The following TMEM135 variants were observed in gnomAD, a reference collection of about 807,000 sequenced individuals.
TMEM135 encodes the protein peroxisomal membrane protein 52.
Under a neutral mutation model 60.3 loss-of-function variants are expected in TMEM135, and 30 were observed. The ratio of observed to expected loss-of-function variants is 0.50; its 90% CI spans 0.37 to 0.68. The LOEUF is 0.68. Ranked by LOEUF, TMEM135 falls within the 30% of genes least tolerant of loss-of-function variation. The pLI, the probability that TMEM135 is intolerant of heterozygous loss-of-function variation, is 0.00. For synonymous variants in TMEM135, 190 were observed against 186.7 expected (o/e 1.02, Z -0.14); for missense variants, 468 against 548.8 (o/e 0.85, Z 1.47).
rs184491419 is a variant in TMEM135 at position 87,328,675 on chromosome 11, C to A, written c.*7342C>A. On this transcript the variant is annotated 3_prime_UTR_variant, in exon 15 of 15. Coordinates refer to ENST00000305494, the MANE Select transcript of TMEM135 (RefSeq NM_022918.4). Reference sequence around the variant, plus strand: ...CAAGATGCTGCAAAAGACATTATTTCATCTTTTATTTTTTATGGCTGAGTA... The same window carrying A: ...CAAGATGCTGCAAAAGACATTATTTAATCTTTTATTTTTTATGGCTGAGTA... The A allele has an allele frequency of 5.9e-4, 267 of 453,992 alleles. No individual in the cohort carries two copies. Among genetic ancestry groups the A allele is most frequent in the Non-Finnish European group, 1.0e-3 (238 of 226,766 alleles). 28.1% of individuals were successfully genotyped at this position (453,992 alleles called of 1,614,324 possible).
intron 6 of TMEM135, among the ~76,000 whole-genome samples, chr11:87,280,538 C>G (rs969050467): frequency 2.6e-5 from 4 of 152,096 alleles, no homozygotes; most frequent in Admixed American, 1.3e-4. Flanking sequence ...CTTTCTTCCT[C>G]TACTTCTTTT....
intron 6 of TMEM135, among the ~76,000 whole-genome samples, chr11:87,239,451 CTT>C (rs10573169): frequency 0.047 from 7,131 of 152,088 alleles, 228 homozygotes; most frequent in East Asian, 0.16. Context: ...GTACATAACA[CTT>C]GGCAGGTCCA....
chr11:87,215,909 G>A (rs1940490429), intron 5 of TMEM135, among the ~76,000 whole-genome samples: 1 of 151,948 alleles, frequency 6.6e-6, no homozygotes, highest in South Asian at 2.1e-4. Context: ...CTATCTAATA[G>A]CCTCCTCTTA....
chr11:87,291,549 T>G (rs1591173866), intron 6 of TMEM135, among the ~76,000 whole-genome samples: 1 of 74,716 alleles, frequency 1.3e-5, no homozygotes, highest in African/African-American at 4.3e-5. Context: ...TTTTTTTTTT[T>G]GAGACAGAGT....
At chr11:87,222,267 C>A (rs1246340596) in intron 5 of TMEM135, among the ~76,000 whole-genome samples, 2 of 149,502 alleles carry the variant, frequency 1.3e-5, no homozygotes, top group African/African-American at 4.9e-5. Context: ...GTGGCTGAGG[C>A]AGGCAGATCA....
intron 5 of TMEM135, among the ~76,000 whole-genome samples, chr11:87,220,946 C>T (rs183544271): frequency 9.2e-5 from 14 of 152,036 alleles, no homozygotes; most frequent in East Asian, 7.7e-4. Context: ...AAAATTAATG[C>T]GGATGTATTC....
At chr11:87,272,595 G>A (rs1486713525) in intron 6 of TMEM135, among the ~76,000 whole-genome samples, 4 of 151,986 alleles carry the variant, frequency 2.6e-5, no homozygotes, top group Admixed American at 1.3e-4. Context: ...TGAGTAGCTG[G>A]GACTATAGGT....
intron 4 of TMEM135, among the ~76,000 whole-genome samples, chr11:87,144,077 TA>T (rs2135249213): frequency 6.6e-6 from 1 of 152,232 alleles, no homozygotes; most frequent in African/African-American, 2.4e-5. Flanking sequence ...AAATTTCTTT[TA>T]AAATTTCAAA....
chr11:87,301,399 G>A lies in TMEM135; in HGVS notation c.552-897G>A, dbSNP rs538414584. On this transcript the variant is annotated intron_variant, in intron 7 of 14. Transcript: ENST00000305494. Reference sequence around the variant, plus strand: ...CTCCCAAGTAGCTGGGACTACAGGCGTACACCACCATGCCCAGCTGATTTT... The same window carrying A: ...CTCCCAAGTAGCTGGGACTACAGGCATACACCACCATGCCCAGCTGATTTT... Among the ~76,000 whole-genome samples the A allele has an allele frequency of 2.0e-4, 30 of 152,100 alleles. No homozygotes were observed. In the South Asian group the frequency reaches 2.7e-3, roughly 14 times the overall value.
intron 6 of TMEM135, chr11:87,259,208 G>A (rs575227632): frequency 3.0e-5 from 15 of 500,210 alleles, no homozygotes; most frequent in South Asian, 5.9e-5. Flanking sequence ...TCTCCACGTC[G>A]CCTTTTGGGA....
At chr11:87,169,795 C>T (rs539487300) in intron 5 of TMEM135, among the ~76,000 whole-genome samples, 12 of 152,172 alleles carry the variant, frequency 7.9e-5, no homozygotes, top group South Asian at 2.1e-4. Context: ...TTGCTCTTCT[C>T]GAGGAGTATC....
chr11:87,056,646 T>G (rs1949897053), intron 1 of TMEM135, among the ~76,000 whole-genome samples: 1 of 152,222 alleles, frequency 6.6e-6, no homozygotes, highest in African/African-American at 2.4e-5. Context: ...TAGTGGAATT[T>G]ATGTATCAAC....
chr11:87,107,063 C>T (rs140747169), intron 4 of TMEM135, among the ~76,000 whole-genome samples: 1 of 152,172 alleles, frequency 6.6e-6, no homozygotes, highest in African/African-American at 2.4e-5. Flanking sequence ...CCCCATGATA[C>T]AAACACTTCC....
intron 5 of TMEM135, among the ~76,000 whole-genome samples, chr11:87,219,482 G>T (rs570518063): frequency 2.0e-5 from 3 of 152,084 alleles, no homozygotes; most frequent in Non-Finnish European, 4.4e-5. Flanking sequence ...TGGGGGGAGA[G>T]AGCCAGGGAG....
At position 87,236,697 on chromosome 11, in the gene TMEM135, A is replaced by G. The variant is rs1261983865; in HGVS notation, c.509+13A>G. ...TGTTCTTTTTCAGGTATGTTCTGTT[A>G]TACTTATTTACTTTAATACCCCAAA... On this transcript the variant is annotated intron_variant, in intron 6 of 14. Coordinates refer to ENST00000305494, the MANE Select transcript of TMEM135 (RefSeq NM_022918.4). 1.2e-6 allele frequency: 2 copies of G among 1,609,282 alleles called. No homozygotes were observed. Among genetic ancestry groups the G allele is most frequent in the Non-Finnish European group, 1.7e-6 (2 of 1,176,496 alleles).
At chr11:87,223,161 CTTT>C (rs34711550) in intron 5 of TMEM135, among the ~76,000 whole-genome samples, 1 of 133,782 alleles carries the variant, frequency 7.5e-6, no homozygotes. Context: ...TTGAAAAGCA[CTTT>C]TTTTTTTTTT....
At chr11:87,100,528 T>G (rs999950184) in intron 4 of TMEM135, among the ~76,000 whole-genome samples, 21 of 152,168 alleles carry the variant, frequency 1.4e-4, no homozygotes, top group Admixed American at 2.6e-4. Context: ...TTCTAAATGT[T>G]GTGAGGTTTT....
intron 3 of TMEM135, among the ~76,000 whole-genome samples, chr11:87,074,258 G>A (rs970143523): frequency 6.6e-5 from 10 of 152,194 alleles, no homozygotes; most frequent in African/African-American, 2.4e-5. Context: ...GAGCTACTGG[G>A]CCCGGCCTGT....
At chr11:87,090,321 A>C (rs1857180453) in intron 3 of TMEM135, among the ~76,000 whole-genome samples, 2 of 152,140 alleles carry the variant, frequency 1.3e-5, no homozygotes, top group African/African-American at 4.8e-5. Context: ...AGAGTACCTA[A>C]CTTTACTTTA....
Sources: gnomAD v4.1 joint callset for allele counts (sites outside exome capture counted in the v4.1 genomes callset) on GRCh38, gnomAD v4.1.1 for gene constraint, MANE v1.5 for transcripts, NCBI Gene and HGNC (gene_info 2026-07-23, HGNC 2026-07-21) for gene names.